The following PARVA variants were observed in gnomAD, a reference collection of about 807,000 sequenced individuals.
PARVA encodes alpha-parvin.
In PARVA, 25 loss-of-function variants were observed where a neutral mutation model predicts 52.6. The ratio of observed to expected loss-of-function variants is 0.48; its 90% CI spans 0.35 to 0.66. The LOEUF is 0.66. Among genes scored for constraint, PARVA ranks in the 30% least tolerant of loss-of-function variants. PARVA has a pLI of 0.01. For missense variants in PARVA, 373 were observed against 450.9 expected (o/e 0.83, Z 1.56); for synonymous variants, 185 against 179.1 (o/e 1.03, Z -0.26).
At chr11:12,493,078 G>A (rs1010810106) in intron 4 of PARVA, among the ~76,000 whole-genome samples, 1 of 152,162 alleles carries the variant, frequency 6.6e-6, no homozygotes, top group Non-Finnish European at 1.5e-5. Context: ...AGAGAAGGCT[G>A]AGTGTGGTGG....
chr11:12,393,550 C>T lies in PARVA; in HGVS notation c.136+15767C>T, dbSNP rs183341515. ...TCCAGGCCCCTTTCATCTTATGGCT[C>T]TACCTTCCTGAAGGTTTTTCAAATC... On this transcript the variant is annotated intron_variant, in intron 1 of 12. Coordinates refer to ENST00000334956, the MANE Select transcript of PARVA (RefSeq NM_018222.5). 5.9e-5 allele frequency among the ~76,000 whole-genome samples: 9 copies of T among 152,258 alleles called. No homozygotes were observed. The East Asian group carries it at 1.7e-3, about 29-fold the overall frequency.
At chr11:12,516,128 C>T (rs146941387) in intron 10 of PARVA, among the ~76,000 whole-genome samples, 19 of 152,346 alleles carry the variant, frequency 1.2e-4, no homozygotes, top group Non-Finnish European at 2.5e-4. Context: ...CATGAGCCAC[C>T]GCACTCGGCC....
At chr11:12,472,629 G>A (rs1940949254) in intron 1 of PARVA, among the ~76,000 whole-genome samples, 1 of 152,186 alleles carries the variant, frequency 6.6e-6, no homozygotes, top group African/African-American at 2.4e-5. Flanking sequence ...GTAAGTGGCT[G>A]CCTTGTGCTT....
upstream of PARVA, chr11:12,377,481 C>T: frequency 1.4e-6 from 2 of 1,407,598 alleles, no homozygotes; most frequent in Admixed American, 3.2e-5. Flanking sequence ...AGGGAGGGAG[C>T]GAGGGAGGGA....
chr11:12,392,151 A>G (rs1211292097), intron 1 of PARVA, among the ~76,000 whole-genome samples: 1 of 152,028 alleles, frequency 6.6e-6, no homozygotes, highest in African/African-American at 2.4e-5. Flanking sequence ...GGAATAATGG[A>G]ATAATATAAT....
At chr11:12,380,588 G>T (rs1435059638) in intron 1 of PARVA, among the ~76,000 whole-genome samples, 1 of 150,894 alleles carries the variant, frequency 6.6e-6, no homozygotes, top group Non-Finnish European at 1.5e-5. Flanking sequence ...AGCGTCCATA[G>T]GGCACAGAGC....
intron 10 of PARVA, among the ~76,000 whole-genome samples, chr11:12,514,274 C>T (rs564275945): frequency 6.6e-6 from 1 of 152,266 alleles, no homozygotes; most frequent in African/African-American, 2.4e-5. Context: ...ACTCATATAC[C>T]CTTCACTGGG....
At chr11:12,438,309 G>A (rs916858987) in intron 1 of PARVA, among the ~76,000 whole-genome samples, 1 of 151,390 alleles carries the variant, frequency 6.6e-6, no homozygotes, top group African/African-American at 2.4e-5. Context: ...TTTGGCTCAT[G>A]GTTGTGGAGG....
At chr11:12,480,963 G>A (rs996233814) in intron 4 of PARVA, among the ~76,000 whole-genome samples, 13 of 152,076 alleles carry the variant, frequency 8.5e-5, no homozygotes, top group African/African-American at 2.2e-4. Flanking sequence ...CTGACCTTAC[G>A]TTCCCCTCTG....
intron 4 of PARVA, among the ~76,000 whole-genome samples, chr11:12,487,714 T>C (rs184558969): frequency 4.6e-5 from 7 of 152,304 alleles, no homozygotes; most frequent in African/African-American, 1.4e-4. Context: ...AACTCAAAAG[T>C]TAGATGAAAG....
At chr11:12,460,764 G>A (rs1271634647) in intron 1 of PARVA, among the ~76,000 whole-genome samples, 1 of 152,250 alleles carries the variant, frequency 6.6e-6, no homozygotes, top group Non-Finnish European at 1.5e-5. Flanking sequence ...TAAATAAGAA[G>A]GATATAGACA....
chr11:12,391,419 G>A (rs1939656702), intron 1 of PARVA, among the ~76,000 whole-genome samples: 1 of 152,170 alleles, frequency 6.6e-6, no homozygotes, highest in Non-Finnish European at 1.5e-5. Flanking sequence ...AGTAATTTGG[G>A]CTCCCAGCTA....
chr11:12,378,811 T>C (rs960789212), intron 1 of PARVA, among the ~76,000 whole-genome samples: 2 of 152,208 alleles, frequency 1.3e-5, no homozygotes, highest in African/African-American at 2.4e-5. Flanking sequence ...TACATTCATA[T>C]AATTTGTAAA....
At chr11:12,446,904 A>G (rs761053987) in intron 1 of PARVA, among the ~76,000 whole-genome samples, 3 of 152,220 alleles carry the variant, frequency 2.0e-5, no homozygotes, top group African/African-American at 7.2e-5. Flanking sequence ...TATGACTCCT[A>G]TAAGTCTATA....
chr11:12,508,523 T>C, intron 6 of PARVA, 61 bp from the exon 7 acceptor site: 1 of 1,155,134 alleles, frequency 8.7e-7, no homozygotes. Flanking sequence ...AGTGTTTCTG[T>C]ATTTTTCTAA....
At chr11:12,524,989 G>A (rs1284451946) in intron 12 of PARVA, among the ~76,000 whole-genome samples, 1 of 152,192 alleles carries the variant, frequency 6.6e-6, no homozygotes, top group Non-Finnish European at 1.5e-5. Flanking sequence ...TTTGAGCTGA[G>A]GTCTGCAGGA....
chr11:12,386,279 T>C (rs2134948071), intron 1 of PARVA, among the ~76,000 whole-genome samples: 1 of 152,370 alleles, frequency 6.6e-6, no homozygotes, highest in South Asian at 2.1e-4. Context: ...TCTCCATTTT[T>C]ACCATAGGAA....
At chr11:12,472,892 C>A (rs1001848379) in intron 1 of PARVA, among the ~76,000 whole-genome samples, 1 of 152,158 alleles carries the variant, frequency 6.6e-6, no homozygotes, top group Admixed American at 6.5e-5. Context: ...GTCTGTCACA[C>A]AACTGGTTTT....
intron 1 of PARVA, among the ~76,000 whole-genome samples, chr11:12,410,009 A>G (rs1939971767): frequency 1.3e-5 from 2 of 152,144 alleles, no homozygotes. Context: ...GGGACTTGCT[A>G]TTGTTTTCTG....
Sources: gnomAD v4.1 joint callset for allele counts (sites outside exome capture counted in the v4.1 genomes callset) on GRCh38, gnomAD v4.1.1 for gene constraint, MANE v1.5 for transcripts, NCBI Gene and HGNC (gene_info 2026-07-23, HGNC 2026-07-21) for gene names.